The following ACAP2 variants were observed in gnomAD, a reference collection of about 807,000 sequenced individuals.
ACAP2 encodes ArfGAP with coiled-coil, ankyrin repeat and PH domains 2, also known as arf-GAP with coiled-coil, ANK repeat and PH domain-containing protein 2.
A neutral mutation model predicts 115.8 loss-of-function variants in ACAP2; 39 were observed. That is an observed-to-expected ratio of 0.34 (90% CI 0.26 to 0.44). The LOEUF is 0.44. ACAP2 is among the 20% of genes least tolerant of loss of function. The pLI is 1.00. For missense variants in ACAP2, 662 were observed against 927.6 expected (o/e 0.71, Z 3.72); for synonymous variants, 289 against 315.8 (o/e 0.92, Z 0.90).
chr3:195,304,892 T>G (rs1019654493), intron 13 of ACAP2, among the ~76,000 whole-genome samples: 1 of 152,226 alleles, frequency 6.6e-6, no homozygotes, highest in Non-Finnish European at 1.5e-5. Context: ...TATGATGAGA[T>G]AGCCAAAGGA....
intron 1 of ACAP2, among the ~76,000 whole-genome samples, chr3:195,432,176 G>GA (rs1314543243): frequency 1.3e-5 from 2 of 152,174 alleles, no homozygotes; most frequent in Non-Finnish European, 2.9e-5. Flanking sequence ...TTTGAAGCAT[G>GA]AAAGTTTTTA....
intron 2 of ACAP2, among the ~76,000 whole-genome samples, chr3:195,388,088 A>G (rs919942525): frequency 1.3e-5 from 2 of 152,214 alleles, no homozygotes; most frequent in Admixed American, 6.5e-5. Context: ...CTATAATATT[A>G]TAACAGCTTA....
chr3:195,358,996 A>T (rs895320551), intron 4 of ACAP2, among the ~76,000 whole-genome samples: 1 of 152,224 alleles, frequency 6.6e-6, no homozygotes, highest in Non-Finnish European at 1.5e-5. Context: ...TTTCAATGGA[A>T]ACCTTACAGG....
intron 1 of ACAP2, among the ~76,000 whole-genome samples, chr3:195,438,375 T>C (rs530392145): frequency 1.4e-5 from 2 of 147,422 alleles, no homozygotes; most frequent in East Asian, 4.6e-4. Flanking sequence ...ATAATTCCAT[T>C]CTACTGCTTC....
chr3:195,289,708 A>C (rs1011976931), intron 20 of ACAP2, among the ~76,000 whole-genome samples: 6 of 150,512 alleles, frequency 4.0e-5, no homozygotes, highest in African/African-American at 1.2e-4. Context: ...CAGGAGGCTG[A>C]GGCAGGAGAA....
chr3:195,401,041 CTAAT>C (rs1195747221), intron 1 of ACAP2, among the ~76,000 whole-genome samples: 2 of 152,144 alleles, frequency 1.3e-5, no homozygotes, highest in East Asian at 3.9e-4. Context: ...CTGTAATTAA[CTAAT>C]TAATTAACTA....
At chr3:195,351,506 C>T (rs1731598806) in intron 4 of ACAP2, among the ~76,000 whole-genome samples, 1 of 147,584 alleles carries the variant, frequency 6.8e-6, no homozygotes, top group African/African-American at 2.5e-5. Context: ...TGCTCTGTCA[C>T]CCTGGAGTGC....
chr3:195,341,319 G>GA (rs200466746), intron 6 of ACAP2, among the ~76,000 whole-genome samples: 1,439 of 102,954 alleles, frequency 0.014, 75 homozygotes, highest in African/African-American at 0.049. Context: ...TTTATTGTGT[G>GA]GGTTTTTTTT....
intron 1 of ACAP2, among the ~76,000 whole-genome samples, chr3:195,440,105 C>CA (rs1715886642): frequency 6.6e-6 from 1 of 152,046 alleles, no homozygotes; most frequent in African/African-American, 2.4e-5. Context: ...ACTTTACATT[C>CA]CTGTAGATTT....
At chr3:195,356,470 G>A (rs1052584481) in intron 4 of ACAP2, among the ~76,000 whole-genome samples, 1 of 152,158 alleles carries the variant, frequency 6.6e-6, no homozygotes, top group Non-Finnish European at 1.5e-5. Context: ...AGTGGACTTG[G>A]AGGTACATGA....
chr3:195,298,857 C>A (rs181348711), intron 15 of ACAP2, among the ~76,000 whole-genome samples: 1,966 of 152,222 alleles, frequency 0.013, 31 homozygotes, highest in African/African-American at 0.043. Context: ...TCTTGAACTC[C>A]GGACCTCAGG....
In ACAP2 at chr3:195,320,775, T is replaced by C; in HGVS notation, c.783A>G (p.Val261=). 6.2e-7 allele frequency: 1 copy of C among 1,613,612 alleles called. No homozygotes were observed. The highest frequency in any genetic ancestry group is 1.1e-5 in the South Asian group (1 of 91,064). ...SSDDSKLEYN[V]DAANGIVMEG... is the part of the protein sequence containing the mutation. ...CCATAACTATGCCATTTGCAGCATC[T>C]ACGTTATATTCTAACTTAGAATCAT... The change falls in exon 10 of 23, where the codon GTA becomes GTG. Residue 261 remains valine, a synonymous_variant. Coordinates refer to ENST00000326793, the MANE Select transcript of ACAP2 (RefSeq NM_012287.6).
intron 13 of ACAP2, among the ~76,000 whole-genome samples, chr3:195,306,117 A>G (rs1211355077): frequency 2.0e-5 from 3 of 152,026 alleles, no homozygotes; most frequent in Non-Finnish European, 4.4e-5. Context: ...TTCACCTTAT[A>G]TTTTTAAGGG....
intron 15 of ACAP2, among the ~76,000 whole-genome samples, chr3:195,299,435 T>A (rs901355213): frequency 6.8e-6 from 1 of 147,774 alleles, no homozygotes; most frequent in African/African-American, 2.5e-5. Flanking sequence ...AAAAATTACT[T>A]GGGAGGCTGA....
At chr3:195,353,190 C>T (rs930773264) in intron 4 of ACAP2, among the ~76,000 whole-genome samples, 2 of 152,044 alleles carry the variant, frequency 1.3e-5, no homozygotes, top group African/African-American at 4.8e-5. Flanking sequence ...TCAAGCATCC[C>T]TGCAAAGAGG....
chr3:195,281,474 A>G (rs1012943748), intron 22 of ACAP2, among the ~76,000 whole-genome samples: 28 of 152,342 alleles, frequency 1.8e-4, no homozygotes, highest in Admixed American at 7.2e-4. Context: ...CTAGGTAAAA[A>G]GCAACTATTA....
intron 9 of ACAP2, 68 bp from the exon 10 acceptor site, chr3:195,320,881 T>G: frequency 4.8e-6 from 5 of 1,033,938 alleles, no homozygotes; most frequent in Non-Finnish European, 7.4e-6. Flanking sequence ...AAATGGATCC[T>G]AAGAAAAGAG....
chr3:195,422,387 C>T (rs758484572), intron 1 of ACAP2, among the ~76,000 whole-genome samples: 45 of 152,280 alleles, frequency 3.0e-4, no homozygotes, highest in Non-Finnish European at 5.7e-4. Context: ...CCCTTACTGT[C>T]TCTGAAAGTA....
intron 4 of ACAP2, among the ~76,000 whole-genome samples, chr3:195,378,078 G>GGGAGGAAGGGAGGAGGAGGAAGGGAGGA (rs1409285568): frequency 6.8e-6 from 1 of 147,642 alleles, no homozygotes; most frequent in Non-Finnish European, 1.5e-5. Context: ...GAGGGAGGAA[G>GGGAGGAAGGGAGGAGGAGGAAGGGAGGA]GGAGGAAGGG....
Sources: allele counts gnomAD v4.1 joint callset (sites outside exome capture counted in the v4.1 genomes callset), GRCh38; gene constraint gnomAD v4.1.1; transcripts MANE v1.5; gene names NCBI Gene and HGNC (gene_info 2026-07-23, HGNC 2026-07-21).